Variants in ITFG2 observed in about 807,000 individuals in gnomAD.
ITFG2 encodes integrin alpha FG-GAP repeat containing 2, also known as KICSTOR complex protein ITFG2.
A neutral mutation model predicts 54.4 loss-of-function variants in ITFG2; 36 were observed. That is an observed-to-expected ratio of 0.66 (90% CI 0.51 to 0.87). The LOEUF is 0.87. ITFG2 is among the 40% of genes least tolerant of loss of function. ITFG2 has a pLI of 0.00. For synonymous variants in ITFG2, 211 were observed against 225.4 expected, an observed-to-expected ratio of 0.94 and a Z score of 0.57; for missense variants, 524 against 576.7, an observed-to-expected ratio of 0.91 and a Z score of 0.94.
intron 3 of ITFG2, chr12:2,858,372 G>T (rs28919871): frequency 1.8e-5 from 8 of 445,902 alleles, no homozygotes; most frequent in Middle Eastern, 6.0e-4. Flanking sequence ...AGGCTGGGGG[G>T]TTCCTAATCT....
upstream of ITFG2, among the ~76,000 whole-genome samples, chr12:2,832,999 C>G (rs528000550): frequency 6.6e-6 from 1 of 152,030 alleles, no homozygotes; most frequent in Non-Finnish European, 1.5e-5. Context: ...ACGATGAACA[C>G]AGGCTTCAGG....
chr12:2,817,509 C>CA, intron 2 of ITFG2, 191 bp downstream of exon 2: 2 of 584,932 alleles, frequency 3.4e-6, no homozygotes, highest in East Asian at 5.6e-5. Flanking sequence ...TGTCCTCACA[C>CA]ACGCGTGCGT....
intron 10 of ITFG2, 50 bp downstream of exon 10, chr12:2,822,961 G>A (rs1002082434): frequency 1.4e-6 from 2 of 1,379,840 alleles, no homozygotes; most frequent in Non-Finnish European, 2.1e-6. Context: ...AGTTAGATAG[G>A]CGTGTTAGGC....
intron 2 of ITFG2, among the ~76,000 whole-genome samples, chr12:2,846,068 A>G (rs899747506): frequency 1.2e-4 from 19 of 152,128 alleles, no homozygotes; most frequent in African/African-American, 4.6e-4. Context: ...GCTGCCCCGC[A>G]GACCCCCATG....
At chr12:2,852,335 C>G (rs1405216443) in intron 2 of ITFG2, among the ~76,000 whole-genome samples, 1 of 152,056 alleles carries the variant, frequency 6.6e-6, no homozygotes, top group East Asian at 1.9e-4. Flanking sequence ...GCCATTTGAC[C>G]CTCTAACCAC....
In ITFG2 at chr12:2,821,590, C is replaced by T. The variant is rs573740096; in HGVS notation, c.841C>T (p.Leu281=). The T allele has an allele frequency of 1.9e-6, 3 of 1,614,192 alleles. No homozygotes were observed. Among genetic ancestry groups the T allele is most frequent in the African/African-American group, 2.7e-5 (2 of 75,060 alleles). The change falls in exon 8 of 12, where the codon CTG becomes TTG. Residue 281 remains leucine, a synonymous_variant. Transcript: ENST00000228799. ...CTCTGGCCTCTTTGCCCTGTGCACCCTGGATGGTGAGCAATGCTAGGATGG... is the reference window on the plus strand; with the variant it reads ...CTCTGGCCTCTTTGCCCTGTGCACCTTGGATGGTGAGCAATGCTAGGATGG... ...SGSGLFALCT[L]DGTLKLMEEM...
chr12:2,812,978 G>GAA, intron 1 of ITFG2, 122 bp downstream of exon 1: 1 of 769,158 alleles, frequency 1.3e-6, no homozygotes. Context: ...CTAGTTTGGA[G>GAA]CGCTAGAGAG....
chr12:2,859,786 A>C (rs924894261), exon 4 of ITFG2: 3 of 708,558 alleles, frequency 4.2e-6, no homozygotes, highest in Non-Finnish European at 6.9e-6. Flanking sequence ...AAATATGAGA[A>C]TACGATGTAT....
upstream of ITFG2, among the ~76,000 whole-genome samples, chr12:2,832,803 C>T (rs1299590817): frequency 6.7e-6 from 1 of 150,094 alleles, no homozygotes; most frequent in African/African-American, 2.5e-5. Context: ...AGGCTCTATG[C>T]ACCTCTCCAC....
chr12:2,817,863 C>A (rs774361432), intron 2 of ITFG2, 46 bp from the exon 3 acceptor site: 6 of 1,577,034 alleles, frequency 3.8e-6, no homozygotes, highest in Non-Finnish European at 4.3e-6. Flanking sequence ...TCAGGGAGTA[C>A]TGGTCTCCCT....
At position 2,845,295 on chromosome 12, in the gene ITFG2, T is replaced by G. The variant is rs2098050874; in HGVS notation, n.300+4300T>G. The stretch of plus-strand genomic sequence containing the variant: ...GGGATCTTGGCTCGAGTTTGTCATC[T>G]CAAGGAGCAGCTATGGGGCTTTTTG... On this transcript the variant is annotated intron_variant and non_coding_transcript_variant, in intron 2 of 3. Coordinates refer to the ITFG2 transcript ENST00000537710. This position sits in a 1 kb window ranked among gnomAD's most constrained non-coding sequence, Gnocchi z 4.2. 6.6e-6 allele frequency among the ~76,000 whole-genome samples: 1 copy of G among 152,116 alleles called. No homozygotes were observed. Among genetic ancestry groups the G allele is most frequent in the African/African-American group, 2.4e-5 (1 of 41,416 alleles).
intron 2 of ITFG2, chr12:2,817,616 A>G (rs1304849627): frequency 1.2e-5 from 6 of 517,978 alleles, no homozygotes; most frequent in Admixed American, 3.5e-5. Context: ...AATGGGGGCA[A>G]TAATTTGAGT....
chr12:2,855,518 C>CTCT, intron 2 of ITFG2: 1 of 1,208,494 alleles, frequency 8.3e-7, no homozygotes, highest in Non-Finnish European at 1.1e-6. Flanking sequence ...TGAGGCACTC[C>CTCT]GCTCTCCTTC....
intron 5 of ITFG2, 96 bp from the exon 6 acceptor site, chr12:2,820,628 G>GGGCCCCCCCCC: frequency 1.6e-5 from 4 of 251,776 alleles, no homozygotes; most frequent in Non-Finnish European, 2.4e-5. Flanking sequence ...CCCTGCCCCT[G>GGGCCCCCCCCC]CCCCCGCCCC....
intron 8 of ITFG2, 44 bp from the exon 9 acceptor site, chr12:2,821,648 C>G: frequency 6.2e-7 from 1 of 1,613,254 alleles, no homozygotes; most frequent in Non-Finnish European, 8.5e-7. Context: ...AGGGTCTGCT[C>G]GGGGCCTATC....
chr12:2,821,740 G>C lies in ITFG2; in HGVS notation c.896G>C (p.Trp299Ser). Reference protein sequence around the residue: ...EEMEEADKLLWSVQVDHQLFA... With the variant: ...EEMEEADKLLSSVQVDHQLFA... ...ATGGAAGAAGCAGACAAGCTGCTGT[G>C]GTCAGTGCAGGTGGATCACCAGCTC... The change falls in exon 9 of 12, where the codon TGG becomes TCG. Residue 299 changes from tryptophan to serine, a missense_variant. Physicochemically the swap from Trp to Ser is radical, Grantham distance 177. Transcript: ENST00000228799. The C allele has an allele frequency of 6.2e-7, 1 of 1,614,132 alleles. No homozygotes were observed. Among genetic ancestry groups the C allele is most frequent in the Non-Finnish European group, 8.5e-7 (1 of 1,180,016 alleles).
At chr12:2,835,159 ATGTGTG>A (rs375198605), upstream of ITFG2, 358 of 1,127,120 alleles carry the variant, frequency 3.2e-4, 1 homozygote, top group South Asian at 5.9e-3. Context: ...GATGGGGCGT[ATGTGTG>A]TGTGTGTGTG....
At chr12:2,857,126 G>C in intron 2 of ITFG2, 2 of 701,424 alleles carry the variant, frequency 2.9e-6, no homozygotes, top group Non-Finnish European at 5.2e-6. Flanking sequence ...TGCTTGAGTG[G>C]TGATGCAGAG....
downstream of ITFG2, chr12:2,827,269 G>A (rs139909061): frequency 2.6e-4 from 415 of 1,613,854 alleles, no homozygotes; most frequent in Admixed American, 3.2e-4. The surrounding 1 kb of genome is among the most constrained non-coding windows in gnomAD (Gnocchi z 4.0). Flanking sequence ...GCTTTCAGCC[G>A]CAGCACTCCG....
Sources: gnomAD v4.1 joint callset for allele counts (sites outside exome capture counted in the v4.1 genomes callset) on GRCh38, gnomAD v4.1.1 for gene constraint, Gnocchi (gnomAD v3.1) non-coding constraint, MANE v1.5 for transcripts, NCBI Gene and HGNC (gene_info 2026-07-23, HGNC 2026-07-21) for gene names.